Variants in ASIC2 observed in about 807,000 individuals in gnomAD.
The protein encoded by ASIC2 is acid sensing ion channel subunit 2.
A neutral mutation model predicts 57.3 loss-of-function variants in ASIC2; 25 were observed. That is an observed-to-expected ratio of 0.44 (90% confidence interval 0.32 to 0.61). The LOEUF is 0.61. ASIC2 is among the 20% of genes least tolerant of loss of function. The probability of loss-of-function intolerance (pLI) is 0.06; values close to 1 mark genes in which losing one functional copy is unlikely to be tolerated. For missense variants in ASIC2, 641 were observed against 738.1 expected (o/e 0.87, Z 1.52); for synonymous variants, 319 against 307.5 (o/e 1.04, Z -0.39).
chr17:33,077,500 T>C (rs2092093730), intron 3 of ASIC2, among the ~76,000 whole-genome samples: 1 of 152,134 alleles, frequency 6.6e-6, no homozygotes, highest in Non-Finnish European at 1.5e-5. Context: ...GTTATATTAA[T>C]AGACAATTGA....
Position 33,149,241 on chromosome 17 carries a change from A to G in ASIC2, c.709-37174T>C, listed in dbSNP as rs529370106. On this transcript the variant is annotated intron_variant, in intron 1 of 9. Transcript: ENST00000225823. ...AACAAAAAATTATTGTAATCCCAACACATAGCAATAATCATAATGTTTTGG... is the reference window on the plus strand; with the variant it reads ...AACAAAAAATTATTGTAATCCCAACGCATAGCAATAATCATAATGTTTTGG... Among the ~76,000 whole-genome samples the G allele has an allele frequency of 2.0e-5, 3 of 152,352 alleles. No homozygotes were observed. In the South Asian group the frequency reaches 6.2e-4, roughly 32 times the overall value.
At chr17:34,087,053 T>C (rs1910136920) in intron 1 of ASIC2, among the ~76,000 whole-genome samples, 1 of 152,302 alleles carries the variant, frequency 6.6e-6, no homozygotes, top group Admixed American at 6.5e-5. Context: ...AAAGTTAATA[T>C]CGTTCTGTGT....
chr17:33,844,115 T>C (rs764761200), intron 1 of ASIC2, among the ~76,000 whole-genome samples: 2 of 152,188 alleles, frequency 1.3e-5, no homozygotes, highest in African/African-American at 2.4e-5. Flanking sequence ...TATAACTTTA[T>C]TGGGAGAAGA....
intron 1 of ASIC2, among the ~76,000 whole-genome samples, chr17:33,542,197 A>G (rs1180666516): frequency 6.6e-6 from 1 of 152,122 alleles, no homozygotes; most frequent in Non-Finnish European, 1.5e-5. Context: ...ATAATGCCGC[A>G]ATAAACATAC....
chr17:33,267,792 G>A (rs1389127791), intron 1 of ASIC2, among the ~76,000 whole-genome samples: 2 of 152,176 alleles, frequency 1.3e-5, no homozygotes, highest in African/African-American at 4.8e-5. Context: ...ACGGGAGAGT[G>A]TGGGGTGAGT....
intron 1 of ASIC2, among the ~76,000 whole-genome samples, chr17:33,474,501 C>T (rs1216565831): frequency 6.6e-6 from 1 of 152,230 alleles, no homozygotes; most frequent in East Asian, 1.9e-4. Flanking sequence ...GTCACCACCT[C>T]TAAGTCCAGG....
chr17:33,776,457 A>G (rs530230628), intron 1 of ASIC2, among the ~76,000 whole-genome samples: 1 of 152,378 alleles, frequency 6.6e-6, no homozygotes, highest in East Asian at 1.9e-4. Context: ...ATAAGCCACC[A>G]GTCTGTGGTA....
chr17:34,098,745 G>A (rs575910756), intron 1 of ASIC2, among the ~76,000 whole-genome samples: 1 of 152,254 alleles, frequency 6.6e-6, no homozygotes, highest in Admixed American at 6.5e-5. Context: ...CACTAAAGGC[G>A]ACTGGAAGTT....
At chr17:33,437,010 C>G (rs1053536059) in intron 1 of ASIC2, among the ~76,000 whole-genome samples, 1 of 150,314 alleles carries the variant, frequency 6.7e-6, no homozygotes, top group African/African-American at 2.4e-5. Context: ...GGACTACAGG[C>G]GCCCGCTACC....
chr17:33,081,322 C>T (rs2092112270), intron 3 of ASIC2, among the ~76,000 whole-genome samples: 1 of 152,210 alleles, frequency 6.6e-6, no homozygotes, highest in African/African-American at 2.4e-5. Flanking sequence ...TGAGTGGCAA[C>T]AAGTGATTAA....
intron 1 of ASIC2, among the ~76,000 whole-genome samples, chr17:33,315,113 A>C (rs1476690975): frequency 2.0e-5 from 3 of 152,234 alleles, no homozygotes; most frequent in African/African-American, 7.2e-5. Context: ...CAGTCTTCTC[A>C]TCTGTATAAT....
chr17:34,116,996 A>G (rs1406922982), intron 1 of ASIC2, among the ~76,000 whole-genome samples: 1 of 151,900 alleles, frequency 6.6e-6, no homozygotes, highest in African/African-American at 2.4e-5. Flanking sequence ...TGTGTGGTGC[A>G]TGCATATGAT....
At chr17:33,898,362 G>C (rs1325199443) in intron 1 of ASIC2, among the ~76,000 whole-genome samples, 1 of 149,322 alleles carries the variant, frequency 6.7e-6, no homozygotes, top group Non-Finnish European at 1.5e-5. Flanking sequence ...CAACTTCCTG[G>C]GTAGCTGGGA....
At chr17:33,213,241 G>A (rs1311858839) in intron 1 of ASIC2, among the ~76,000 whole-genome samples, 1 of 152,166 alleles carries the variant, frequency 6.6e-6, no homozygotes, top group African/African-American at 2.4e-5. Flanking sequence ...CCAGGAGGTG[G>A]GCATAGACTG....
At chr17:34,094,327 A>G (rs1381827564) in intron 1 of ASIC2, among the ~76,000 whole-genome samples, 2 of 152,196 alleles carry the variant, frequency 1.3e-5, no homozygotes, top group African/African-American at 2.4e-5. Flanking sequence ...ACTACAGCCC[A>G]TGACTACATG....
At chr17:33,878,414 G>A (rs1436294953) in intron 1 of ASIC2, among the ~76,000 whole-genome samples, 1 of 152,120 alleles carries the variant, frequency 6.6e-6, no homozygotes, top group Non-Finnish European at 1.5e-5. Context: ...GTCCTTAAAA[G>A]ACCTGATGGA....
chr17:33,774,926 G>A (rs1283496050), intron 1 of ASIC2, among the ~76,000 whole-genome samples: 2 of 152,194 alleles, frequency 1.3e-5, no homozygotes, highest in Admixed American at 1.3e-4. Flanking sequence ...CCTGGTTCAT[G>A]AGGGATCCTT....
chr17:33,245,003 C>T (rs773786945), intron 1 of ASIC2, among the ~76,000 whole-genome samples: 5 of 152,172 alleles, frequency 3.3e-5, no homozygotes, highest in East Asian at 1.9e-4. Context: ...AACTGGGTCA[C>T]GTGGGGGTGT....
intron 1 of ASIC2, among the ~76,000 whole-genome samples, chr17:34,148,763 G>A (rs1241773048): frequency 6.6e-6 from 1 of 152,068 alleles, no homozygotes; most frequent in Admixed American, 6.5e-5. Context: ...GGACCAAGAT[G>A]GCATCAGATA....
Sources: allele counts gnomAD v4.1 joint callset (sites outside exome capture counted in the v4.1 genomes callset), GRCh38; gene constraint gnomAD v4.1.1; transcripts MANE v1.5; gene names NCBI Gene and HGNC (gene_info 2026-07-23, HGNC 2026-07-21).